The following GPHN variants were observed in gnomAD, a reference collection of about 807,000 sequenced individuals.
The protein encoded by GPHN is gephyrin.
GPHN carries 17 observed loss-of-function variants against 95.5 expected under a neutral mutation model. The observed-to-expected ratio is 0.18, with a 90% CI of 0.12 to 0.27. GPHN has a LOEUF of 0.27. Ranked by LOEUF, GPHN falls within the 10% of genes least tolerant of loss-of-function variation. GPHN has a pLI of 1.00. For synonymous variants in GPHN, 320 were observed against 322.5 expected (o/e 0.99, Z 0.08); for missense variants, 660 against 978.1 (o/e 0.67, Z 4.34).
At chr14:67,729,236 C>T in the GPHN span, 1 of 1,611,062 alleles carries the variant, frequency 6.2e-7, no homozygotes, top group South Asian at 1.1e-5. Flanking sequence ...GTCGTCCGCT[C>T]TGAGCTGGTC....
At chr14:66,760,260 T>G (rs1479483751) in intron 2 of GPHN, among the ~76,000 whole-genome samples, 1 of 152,230 alleles carries the variant, frequency 6.6e-6, no homozygotes, top group Non-Finnish European at 1.5e-5. Context: ...CAAAAGTGTT[T>G]AGAAGTATTA....
At chr14:66,926,524 A>G (rs1317003881) in intron 8 of GPHN, among the ~76,000 whole-genome samples, 2 of 152,082 alleles carry the variant, frequency 1.3e-5, no homozygotes, top group African/African-American at 4.8e-5. Flanking sequence ...TCCCCAATGT[A>G]TGTTCTTGAC....
intron 5 of GPHN, among the ~76,000 whole-genome samples, chr14:66,886,528 TA>T (rs1164248262): frequency 2.7e-5 from 4 of 149,870 alleles, no homozygotes; most frequent in African/African-American, 7.4e-5. Context: ...ATGTATCCTT[TA>T]AAAAAATAAA....
intron 3 of GPHN, among the ~76,000 whole-genome samples, chr14:66,811,910 C>T (rs1002154780): frequency 7.2e-5 from 11 of 152,312 alleles, no homozygotes; most frequent in Admixed American, 5.2e-4. Context: ...CAATAACTAT[C>T]TGAAAGCACT....
chr14:67,207,712 T>C, the GPHN span, among the ~76,000 whole-genome samples: 2 of 151,988 alleles, frequency 1.3e-5, no homozygotes, highest in Admixed American at 1.3e-4. Flanking sequence ...TTAACAGAAA[T>C]TGGGAAATTA....
chr14:66,924,719 A>T (rs975214787), intron 8 of GPHN, among the ~76,000 whole-genome samples: 1 of 152,052 alleles, frequency 6.6e-6, no homozygotes, highest in African/African-American at 2.4e-5. Context: ...TTGTCTTATG[A>T]TTTTGCATCT....
the GPHN span, among the ~76,000 whole-genome samples, chr14:67,717,369 G>A: frequency 6.6e-6 from 1 of 152,204 alleles, no homozygotes; most frequent in Non-Finnish European, 1.5e-5. Flanking sequence ...ACAGAATTAA[G>A]CTGGGAGAAG....
the GPHN span, chr14:67,613,644 G>T: frequency 4.5e-6 from 1 of 220,534 alleles, no homozygotes. Flanking sequence ...GGAGTATTTG[G>T]GAAACAGGGT....
chr14:66,647,271 T>C (rs1046310163), intron 1 of GPHN, among the ~76,000 whole-genome samples: 17 of 149,386 alleles, frequency 1.1e-4, no homozygotes, highest in African/African-American at 4.0e-4. Context: ...ATAAATCAGA[T>C]CATGCCAACC....
At chr14:67,070,694 CAA>C (rs34577444) in intron 11 of GPHN, among the ~76,000 whole-genome samples, 8 of 64,414 alleles carry the variant, frequency 1.2e-4, no homozygotes, top group African/African-American at 8.5e-4. Context: ...GACTTCATCT[CAA>C]AAAAAAAAAA....
At chr14:67,330,993 A>G in the GPHN span, among the ~76,000 whole-genome samples, 2 of 152,108 alleles carry the variant, frequency 1.3e-5, no homozygotes, top group Non-Finnish European at 2.9e-5. Flanking sequence ...TTTGGTGTAG[A>G]GGATGGTGTA....
At chr14:66,703,421 G>C (rs553539225) in intron 2 of GPHN, among the ~76,000 whole-genome samples, 92 of 152,304 alleles carry the variant, frequency 6.0e-4, no homozygotes, top group African/African-American at 2.1e-3. Flanking sequence ...TACAAAGGAA[G>C]CCCGTTGGAA....
chr14:66,539,413 T>C (rs1054407896), intron 1 of GPHN, among the ~76,000 whole-genome samples: 6 of 144,142 alleles, frequency 4.2e-5, no homozygotes, highest in South Asian at 2.3e-4. Context: ...TACTTTCTTT[T>C]TTTTTTTTTT....
chr14:67,138,647 T>C (rs2080247608), intron 17 of GPHN, among the ~76,000 whole-genome samples: 1 of 152,140 alleles, frequency 6.6e-6, no homozygotes, highest in Non-Finnish European at 1.5e-5. Context: ...GTGTTTGTTA[T>C]ACTGTTATGT....
At chr14:67,271,358 T>C in the GPHN span, 47,880 of 152,166 alleles carry the variant, frequency 0.31, 11,620 homozygotes, top group African/African-American at 0.65. Flanking sequence ...TCTGGAGTTA[T>C]ACTGCCTAGG....
intron 6 of GPHN, among the ~76,000 whole-genome samples, chr14:66,917,450 G>A (rs1251031184): frequency 6.6e-6 from 1 of 152,116 alleles, no homozygotes; most frequent in Non-Finnish European, 1.5e-5. Flanking sequence ...AGATACCAAT[G>A]CAGTATTATT....
In GPHN at chr14:66,508,372, C is replaced by G. The variant is rs939980263; in HGVS notation, c.-156C>G. On this transcript the variant is annotated 5_prime_UTR_variant, in exon 1 of 23. Transcript: ENST00000478722. ...GCGGCCTCTCCCCCACGCAGGCCAC[C>G]GTGCACTCTGTGGCCTCCCCCTCCT... 6 of 744,780 alleles carry G rather than the reference C, an allele frequency of 8.1e-6. No homozygotes were observed. Among genetic ancestry groups the G allele is most frequent in the Admixed American group, 5.6e-5 (3 of 53,130 alleles). 46.1% of individuals were successfully genotyped at this position (744,780 alleles called of 1,614,324 possible).
chr14:66,735,893 T>C (rs1024076332), intron 2 of GPHN, among the ~76,000 whole-genome samples: 12 of 152,168 alleles, frequency 7.9e-5, no homozygotes, highest in Non-Finnish European at 1.6e-4. Context: ...TTTTTATTTC[T>C]TGTTTAATAC....
At chr14:67,446,237 G>C in the GPHN span, among the ~76,000 whole-genome samples, 1 of 152,160 alleles carries the variant, frequency 6.6e-6, no homozygotes, top group African/African-American at 2.4e-5. Context: ...AACAGTACCA[G>C]ACTTGATGAT....
Sources: gnomAD v4.1 joint callset for allele counts (sites outside exome capture counted in the v4.1 genomes callset) on GRCh38, gnomAD v4.1.1 for gene constraint, MANE v1.5 for transcripts, NCBI Gene and HGNC (gene_info 2026-07-23, HGNC 2026-07-21) for gene names.